Variants in TAFA4 observed in about 807,000 individuals in gnomAD.
TAFA4 encodes the protein chemokine-like protein TAFA-4.
Under a neutral mutation model 21.1 loss-of-function variants are expected in TAFA4, and 20 were observed. The observed-to-expected ratio is 0.95, with a 90% CI of 0.67 to 1.38. TAFA4 has a LOEUF of 1.38. Ranked by LOEUF, TAFA4 falls within the 40% of genes most tolerant of loss-of-function variation. TAFA4 has a pLI of 0.00. For synonymous variants in TAFA4, 71 were observed against 67.4 expected, an observed-to-expected ratio of 1.05 and a Z score of -0.26; for missense variants, 211 against 180.9, an observed-to-expected ratio of 1.17 and a Z score of -0.95.
Position 68,739,065 on chromosome 3 carries a change from C to A in TAFA4, c.411+10G>T. On this transcript the variant is annotated intron_variant, in intron 5 of 5. Transcript: ENST00000295569. ...CTTGTAAATTGTAGTTGCATTTTGT[C>A]TATACTTGCCTTCGTAGTTTTGACT... The A allele has an allele frequency of 6.2e-7, 1 of 1,612,284 alleles. No individual in the cohort carries two copies. The highest frequency in any genetic ancestry group is 2.2e-5 in the East Asian group (1 of 44,862).
intron 3 of TAFA4, among the ~76,000 whole-genome samples, chr3:68,780,173 AC>A (rs1207062531): frequency 6.6e-6 from 1 of 152,182 alleles, no homozygotes; most frequent in Non-Finnish European, 1.5e-5. Flanking sequence ...CAATGCATGT[AC>A]CCCCATTGTA....
chr3:68,843,430 ATGGGG>A (rs1388036917), intron 3 of TAFA4, among the ~76,000 whole-genome samples: 9 of 152,218 alleles, frequency 5.9e-5, no homozygotes, highest in African/African-American at 1.4e-4. Flanking sequence ...GGCTGAGACA[ATGGGG>A]TTTTCTAAAT....
chr3:68,823,734 A>C (rs1273516664), intron 3 of TAFA4, among the ~76,000 whole-genome samples: 2 of 152,160 alleles, frequency 1.3e-5, no homozygotes, highest in African/African-American at 4.8e-5. Flanking sequence ...TAGTTTGCTG[A>C]GGATAATGGC....
At chr3:68,857,612 A>T (rs1158606377) in intron 3 of TAFA4, among the ~76,000 whole-genome samples, 1 of 152,160 alleles carries the variant, frequency 6.6e-6, no homozygotes, top group Non-Finnish European at 1.5e-5. Context: ...AAATGTAAAT[A>T]CATATACATA....
chr3:68,771,933 A>T (rs1490114982), intron 3 of TAFA4, among the ~76,000 whole-genome samples: 2 of 152,230 alleles, frequency 1.3e-5, no homozygotes, highest in Non-Finnish European at 2.9e-5. Context: ...TTCAAAAACA[A>T]ATCCAAATGC....
At chr3:68,802,880 A>G (rs1703605978) in intron 3 of TAFA4, among the ~76,000 whole-genome samples, 1 of 152,160 alleles carries the variant, frequency 6.6e-6, no homozygotes, top group African/African-American at 2.4e-5. Flanking sequence ...TTAAATTACC[A>G]CATTTTCACA....
At chr3:68,769,119 T>G (rs1390293966) in intron 3 of TAFA4, among the ~76,000 whole-genome samples, 1 of 152,238 alleles carries the variant, frequency 6.6e-6, no homozygotes, top group Non-Finnish European at 1.5e-5. Context: ...AGACAAGTGC[T>G]TCATCTGTAT....
chr3:68,788,665 G>GC (rs2106809085), intron 3 of TAFA4, among the ~76,000 whole-genome samples: 1 of 152,224 alleles, frequency 6.6e-6, no homozygotes, highest in African/African-American at 2.4e-5. Flanking sequence ...AAGCTGGAGT[G>GC]CAGTGGCATC....
intron 3 of TAFA4, among the ~76,000 whole-genome samples, chr3:68,774,537 C>G (rs549691777): frequency 1.3e-4 from 20 of 152,296 alleles, no homozygotes; most frequent in African/African-American, 4.8e-4. Context: ...CCACCTGAAT[C>G]TTGCCTTTTA....
chr3:68,911,209 C>A (rs1031462539), intron 1 of TAFA4, among the ~76,000 whole-genome samples: 2 of 152,212 alleles, frequency 1.3e-5, no homozygotes, highest in African/African-American at 2.4e-5. Context: ...AAAGATGAAT[C>A]CTCCATGATC....
At chr3:68,894,726 A>G (rs1255108999) in intron 1 of TAFA4, among the ~76,000 whole-genome samples, 2 of 152,252 alleles carry the variant, frequency 1.3e-5, no homozygotes, top group Non-Finnish European at 2.9e-5. Context: ...TAACCATGTG[A>G]AAAAGGGTAA....
intron 1 of TAFA4, among the ~76,000 whole-genome samples, chr3:68,907,546 C>T (rs1347655750): frequency 6.6e-6 from 1 of 152,228 alleles, no homozygotes; most frequent in African/African-American, 2.4e-5. Flanking sequence ...CTAACAGTGA[C>T]AGCAAGTGCA....
At chr3:68,843,604 AG>A (rs1386480243) in intron 3 of TAFA4, among the ~76,000 whole-genome samples, 1 of 152,198 alleles carries the variant, frequency 6.6e-6, no homozygotes, top group East Asian at 1.9e-4. Flanking sequence ...CGAGTTTTCA[AG>A]GGGAATGCTT....
chr3:68,812,442 G>C (rs1376047041), intron 3 of TAFA4, among the ~76,000 whole-genome samples: 3 of 151,998 alleles, frequency 2.0e-5, no homozygotes, highest in Non-Finnish European at 2.9e-5. Flanking sequence ...CTCACACACA[G>C]AGACACATAT....
At chr3:68,788,722 C>G (rs1289599282) in intron 3 of TAFA4, among the ~76,000 whole-genome samples, 1 of 152,138 alleles carries the variant, frequency 6.6e-6, no homozygotes, top group Non-Finnish European at 1.5e-5. Flanking sequence ...AGCCATGTTC[C>G]TAGTTCAGCT....
At chr3:68,846,273 A>G (rs1704791023) in intron 3 of TAFA4, among the ~76,000 whole-genome samples, 1 of 151,524 alleles carries the variant, frequency 6.6e-6, no homozygotes, top group African/African-American at 2.4e-5. Context: ...TTGATCTTCA[A>G]TCTCTGATAT....
intron 3 of TAFA4, among the ~76,000 whole-genome samples, chr3:68,829,374 G>C (rs1704324511): frequency 6.6e-6 from 1 of 152,118 alleles, no homozygotes; most frequent in South Asian, 2.1e-4. Flanking sequence ...TCAATACCTG[G>C]TTTATTGACA....
At chr3:68,793,329 C>G (rs1703397906) in intron 3 of TAFA4, among the ~76,000 whole-genome samples, 1 of 152,180 alleles carries the variant, frequency 6.6e-6, no homozygotes, top group Non-Finnish European at 1.5e-5. Context: ...TGGACAATAA[C>G]TGCACTCAGA....
intron 3 of TAFA4, among the ~76,000 whole-genome samples, chr3:68,783,834 A>G (rs528445974): frequency 2.4e-4 from 36 of 152,324 alleles, no homozygotes; most frequent in African/African-American, 8.7e-4. Flanking sequence ...GTCACTAAAT[A>G]AAAAGATTGT....
Sources: allele counts gnomAD v4.1 joint callset (sites outside exome capture counted in the v4.1 genomes callset), GRCh38; gene constraint gnomAD v4.1.1; transcripts MANE v1.5; gene names NCBI Gene and HGNC (gene_info 2026-07-23, HGNC 2026-07-21).